Variants in UEVLD observed in about 807,000 individuals in gnomAD.
The protein encoded by UEVLD is UEV and lactate/malate dehyrogenase domains, also known as ubiquitin-conjugating enzyme E2 variant 3.
Under a neutral mutation model 58.6 loss-of-function variants are expected in UEVLD, and 47 were observed. The ratio of observed to expected loss-of-function variants is 0.80; its 90% CI spans 0.63 to 1.02. The LOEUF (loss-of-function observed/expected upper bound fraction) is 1.02, where lower values mean the gene tolerates loss of function less well. Among genes scored for constraint, UEVLD ranks in the 50% least tolerant of loss-of-function variants. UEVLD has a pLI of 0.00. For missense variants in UEVLD, 510 were observed against 550.6 expected (o/e 0.93, Z 0.74); for synonymous variants, 197 against 195.3 (o/e 1.01, Z -0.07).
intron 7 of UEVLD, among the ~76,000 whole-genome samples, chr11:18,552,133 T>C (rs1421842292): frequency 4.6e-5 from 7 of 152,242 alleles, no homozygotes; most frequent in Admixed American, 6.5e-5. Context: ...TAAAAATTAT[T>C]GAATATACTC....
At chr11:18,543,160 G>A (rs544805451) in intron 9 of UEVLD, among the ~76,000 whole-genome samples, 4 of 151,966 alleles carry the variant, frequency 2.6e-5, no homozygotes, top group Non-Finnish European at 5.9e-5. Flanking sequence ...CAAAGTGCTG[G>A]GACTACAGGC....
At position 18,529,756 on chromosome 11, in the gene UEVLD, T is replaced by C. The variant is rs752946012; in HGVS notation, c.*2564A>G. ...TTATAACAAGCTCTGCATGATTTCA[T>C]AAAAATGAAAACATGAAAGTTAACA... On this transcript the variant is annotated 3_prime_UTR_variant, in exon 12 of 12. Coordinates refer to ENST00000396197, the MANE Select transcript of UEVLD (RefSeq NM_001040697.4). 13 of 152,186 alleles carry C rather than the reference T, an allele frequency of 8.5e-5. No individual in the cohort carries two copies. Among genetic ancestry groups the C allele is most frequent in the Non-Finnish European group, 1.9e-4 (13 of 68,030 alleles). The allele number at this position is 152,186 out of a possible 1,614,324, so 9.4% of individuals were successfully genotyped here.
chr11:18,564,768 A>G (rs1317472549), intron 6 of UEVLD, 124 bp downstream of exon 6: 2 of 622,236 alleles, frequency 3.2e-6, no homozygotes, highest in African/African-American at 3.8e-5. Flanking sequence ...CTTACTAAAT[A>G]TATTTTAAGC....
At chr11:18,585,345 T>C (rs570220926) in intron 1 of UEVLD, among the ~76,000 whole-genome samples, 36 of 152,256 alleles carry the variant, frequency 2.4e-4, no homozygotes, top group Admixed American at 2.4e-3. Context: ...TTTAGGTCTT[T>C]AATCCACTGG....
At chr11:18,540,796 C>A (rs140896101) in intron 9 of UEVLD, among the ~76,000 whole-genome samples, 33 of 152,302 alleles carry the variant, frequency 2.2e-4, no homozygotes, top group African/African-American at 7.2e-4. Flanking sequence ...TTCCCTTGGA[C>A]CTCTCTCAGA....
chr11:18,554,182 C>T (rs190738537), intron 7 of UEVLD, among the ~76,000 whole-genome samples: 6 of 152,050 alleles, frequency 3.9e-5, no homozygotes, highest in Admixed American at 2.0e-4. Context: ...ACCTCTTCCT[C>T]CAAGGTTCAA....
At chr11:18,552,618 T>C (rs1008265563) in intron 7 of UEVLD, among the ~76,000 whole-genome samples, 2 of 151,650 alleles carry the variant, frequency 1.3e-5, no homozygotes, top group Non-Finnish European at 2.9e-5. Flanking sequence ...TCACAGCACT[T>C]TGGGAGGCTG....
chr11:18,571,655 T>A (rs915784775), intron 3 of UEVLD, among the ~76,000 whole-genome samples: 4 of 152,228 alleles, frequency 2.6e-5, no homozygotes, highest in Admixed American at 1.3e-4. Flanking sequence ...AAAGGAATTA[T>A]ATCATAAGAA....
At position 18,538,502 on chromosome 11, in the gene UEVLD, G is replaced by A. The variant is rs528725406; in HGVS notation, c.1061-2033C>T. ...GTAATTTTGTATTTTTAGTAGAGAC[G>A]GGTTTTCACCATGTTGGGCAGGCTG... On this transcript the variant is annotated intron_variant, in intron 9 of 11. Coordinates refer to ENST00000396197, the MANE Select transcript of UEVLD (RefSeq NM_001040697.4). 9.9e-5 allele frequency among the ~76,000 whole-genome samples: 15 copies of A among 150,942 alleles called. No individual in the cohort carries two copies. The East Asian group carries it at 3.0e-3, about 30-fold the overall frequency.
chr11:18,539,897 T>A (rs561153577), intron 9 of UEVLD, among the ~76,000 whole-genome samples: 1 of 152,384 alleles, frequency 6.6e-6, no homozygotes, highest in African/African-American at 2.4e-5. Context: ...TAGCTGTCAC[T>A]TGTCTCTGAA....
intron 2 of UEVLD, among the ~76,000 whole-genome samples, chr11:18,577,382 A>G (rs1212474225): frequency 6.6e-6 from 1 of 152,238 alleles, no homozygotes; most frequent in Non-Finnish European, 1.5e-5. Flanking sequence ...CTCTAATTTC[A>G]TTATTCTCAA....
chr11:18,546,591 G>A (rs1049919243), intron 8 of UEVLD, among the ~76,000 whole-genome samples: 18 of 151,324 alleles, frequency 1.2e-4, no homozygotes, highest in African/African-American at 4.1e-4. Flanking sequence ...CACCATCTCC[G>A]GGGTTCAAGC....
At chr11:18,568,420 G>A (rs1852405794) in intron 4 of UEVLD, among the ~76,000 whole-genome samples, 1 of 152,182 alleles carries the variant, frequency 6.6e-6, no homozygotes. Context: ...ACAATGGATG[G>A]AGGAGAGAAA....
intron 3 of UEVLD, among the ~76,000 whole-genome samples, chr11:18,574,102 T>C (rs1285222322): frequency 6.6e-6 from 1 of 152,168 alleles, no homozygotes; most frequent in Non-Finnish European, 1.5e-5. Flanking sequence ...TATTAGTGAT[T>C]ATGGATGTTA....
At chr11:18,564,023 A>AG in intron 6 of UEVLD, 2 of 338,818 alleles carry the variant, frequency 5.9e-6, no homozygotes, top group Non-Finnish European at 1.2e-5. Flanking sequence ...AAAAAAAAAA[A>AG]AGAGGTGATA....
intron 1 of UEVLD, among the ~76,000 whole-genome samples, chr11:18,585,177 C>A (rs1378669722): frequency 6.6e-6 from 1 of 152,150 alleles, no homozygotes; most frequent in Non-Finnish European, 1.5e-5. Flanking sequence ...AGGTGTGAGC[C>A]ACCACACCTG....
chr11:18,562,459 T>A (rs1414042820), intron 6 of UEVLD, among the ~76,000 whole-genome samples: 2 of 151,918 alleles, frequency 1.3e-5, no homozygotes, highest in Non-Finnish European at 2.9e-5. Flanking sequence ...GGAGAATCAC[T>A]TGAACCCGGG....
intron 7 of UEVLD, among the ~76,000 whole-genome samples, chr11:18,549,967 G>A (rs10832943): frequency 0.16 from 24,362 of 151,578 alleles, 2,564 homozygotes; most frequent in East Asian, 0.41. Flanking sequence ...GATTACAGGT[G>A]CCCACCACCA....
rs780045678 is a variant in UEVLD, at chr11:18,569,319, T to C, written c.357+895A>G. Among the ~76,000 whole-genome samples, 50 of 152,230 alleles carry C rather than the reference T, an allele frequency of 3.3e-4. 1 individual carries two copies. Among genetic ancestry groups the C allele is most frequent in the Non-Finnish European group, 4.1e-4 (28 of 68,038 alleles). ...AAGCAAAGGTTTGTTTTAAGGATAA[T>C]ACCTTCTATTAGAGAAAAGGTACTG... On this transcript the variant is annotated intron_variant, in intron 4 of 11. Coordinates refer to ENST00000396197, the MANE Select transcript of UEVLD (RefSeq NM_001040697.4).
Sources: gnomAD v4.1 joint callset for allele counts (sites outside exome capture counted in the v4.1 genomes callset) on GRCh38, gnomAD v4.1.1 for gene constraint, MANE v1.5 for transcripts, NCBI Gene and HGNC (gene_info 2026-07-23, HGNC 2026-07-21) for gene names.